Variants in SPNS3 observed in about 807,000 individuals in gnomAD.
The protein encoded by SPNS3 is SPNS lysolipid transporter 3, sphingosine-1-phosphate (putative).
In SPNS3, 51 loss-of-function variants were observed where a neutral mutation model predicts 54.4. That is an observed-to-expected ratio of 0.94 (90% CI 0.75 to 1.18). The LOEUF is 1.18. Among genes scored for constraint, SPNS3 ranks in the 50% most tolerant of loss-of-function variants. The probability of loss-of-function intolerance (pLI) is 0.00; values close to 1 mark genes in which losing one functional copy is unlikely to be tolerated. For synonymous variants in SPNS3, 309 were observed against 294.7 expected, an observed-to-expected ratio of 1.05 and a Z score of -0.50; for missense variants, 669 against 677.4, an observed-to-expected ratio of 0.99 and a Z score of 0.14.
chr17:4,472,902 C>A (rs770596636), intron 8 of SPNS3, among the ~76,000 whole-genome samples: 3 of 148,932 alleles, frequency 2.0e-5, no homozygotes, highest in Admixed American at 6.9e-5. Flanking sequence ...GATCCTCCCC[C>A]TTCAGCCTCT....
intron 11 of SPNS3, among the ~76,000 whole-genome samples, chr17:4,487,336 C>T (rs1054868607): frequency 6.6e-5 from 10 of 152,162 alleles, no homozygotes; most frequent in Non-Finnish European, 2.9e-5. Context: ...AAGGCCCTGC[C>T]ATGGGAATGC....
chr17:4,481,044 T>G (rs1597343974), intron 9 of SPNS3, among the ~76,000 whole-genome samples: 2 of 150,276 alleles, frequency 1.3e-5, no homozygotes, highest in African/African-American at 2.5e-5. Flanking sequence ...TGGAGCAGGG[T>G]GAGGAGGGTG....
In SPNS3 at chr17:4,446,333, C is replaced by T. The variant is rs1970987402; in HGVS notation, c.554+134C>T. On this transcript the variant is annotated intron_variant, in intron 4 of 11. Transcript: ENST00000355530. The stretch of plus-strand genomic sequence containing the variant: ...TTGAGTCCCAATGCTACCCCTCCCT[C>T]ACCATGTGAGTCTACCTCTCCTAGC... 1.0e-5 allele frequency: 10 copies of T among 973,496 alleles called. No homozygotes were observed. In the East Asian group the frequency reaches 2.3e-4, roughly 22 times the overall value. The allele number at this position is 973,496 out of a possible 1,614,324, so 60.3% of individuals were successfully genotyped here.
At chr17:4,458,352 CCTCTCCCTCTCT>C (rs971194266) in intron 8 of SPNS3, among the ~76,000 whole-genome samples, 5 of 145,302 alleles carry the variant, frequency 3.4e-5, no homozygotes, top group Admixed American at 1.4e-4. Context: ...TCTCTCCCTT[CCTCTCCCTCTCT>C]CTCTCCCTCC....
intron 8 of SPNS3, among the ~76,000 whole-genome samples, chr17:4,466,347 C>T (rs1971675483): frequency 6.6e-6 from 1 of 152,040 alleles, no homozygotes. Context: ...TGAGACCAGC[C>T]TGGCCAACAT....
intron 8 of SPNS3, among the ~76,000 whole-genome samples, chr17:4,457,683 C>G (rs1440193989): frequency 1.3e-5 from 2 of 152,176 alleles, no homozygotes; most frequent in African/African-American, 4.8e-5. Flanking sequence ...CCTGCTTCTG[C>G]CACTGTCTTG....
intron 2 of SPNS3, among the ~76,000 whole-genome samples, chr17:4,440,260 G>A (rs75700852): frequency 0.053 from 8,138 of 152,244 alleles, 271 homozygotes; most frequent in Middle Eastern, 0.092. Context: ...GTCATGAGGC[G>A]TTAGCTTTTC....
At chr17:4,462,889 C>T in intron 8 of SPNS3, among the ~76,000 whole-genome samples, 1 of 133,956 alleles carries the variant, frequency 7.5e-6, no homozygotes, top group Admixed American at 7.9e-5. Flanking sequence ...ATCCATCCAT[C>T]CATCCCTTCA....
chr17:4,456,903 T>C (rs1971331509), intron 8 of SPNS3, among the ~76,000 whole-genome samples: 2 of 152,122 alleles, frequency 1.3e-5, no homozygotes, highest in Admixed American at 1.3e-4. Context: ...TTGGTAGAGA[T>C]GGTGTTTCAC....
Position 4,478,554 on chromosome 17 carries a change from G to A in SPNS3, c.1114-18G>A, listed in dbSNP as rs936354066. The A allele has an allele frequency of 1.3e-6, 2 of 1,560,716 alleles. No individual in the cohort carries two copies. Among genetic ancestry groups the A allele is most frequent in the Non-Finnish European group, 1.7e-6 (2 of 1,151,342 alleles). On this transcript the variant is annotated intron_variant, in intron 8 of 11. Transcript: ENST00000355530. The stretch of plus-strand genomic sequence containing the variant: ...CTGGGATCTGGGAATCCTCACCCAG[G>A]CCACCCTCTGTCCACAGGTGTTCCT...
intron 8 of SPNS3, among the ~76,000 whole-genome samples, chr17:4,464,646 T>C (rs994541867): frequency 6.6e-6 from 1 of 152,180 alleles, no homozygotes; most frequent in African/African-American, 2.4e-5. Context: ...TCGGCTTCAT[T>C]AAAGAGATAA....
At position 4,446,955 on chromosome 17, in the gene SPNS3, C is replaced by G. The variant is rs1971011054; in HGVS notation, c.614C>G (p.Ala205Gly). ...ATGCTGACTGGGAACTGGCGCTGGG[C>G]CCTCCGAGTGAGTCCAGCTTCCTTT... ...VTMLTGNWRW[A>G]LRVMPCLEAV... The change falls in exon 5 of 12, where the codon GCC becomes GGC. Residue 205 changes from alanine to glycine, a missense_variant. Physicochemically the swap from Ala to Gly is moderately conservative, Grantham distance 60. Coordinates refer to ENST00000355530, the MANE Select transcript of SPNS3 (RefSeq NM_182538.5). The G allele has an allele frequency of 3.7e-6, 6 of 1,614,094 alleles. No individual in the cohort carries two copies. Among genetic ancestry groups the G allele is most frequent in the Non-Finnish European group, 5.1e-6 (6 of 1,179,972 alleles).
chr17:4,487,958 G>A lies in SPNS3; in HGVS notation c.*64G>A, dbSNP rs544617487. 15 of 1,463,632 alleles carry A rather than the reference G, an allele frequency of 1.0e-5. No individual in the cohort carries two copies. The highest frequency in any genetic ancestry group is 4.5e-5 in the East Asian group (2 of 44,354). The allele number at this position is 1,463,632 out of a possible 1,614,324, so 90.7% of individuals were successfully genotyped here. A position where few individuals can be genotyped will look rare whatever the true frequency, so the allele number is the denominator to read the frequency against. On this transcript the variant is annotated 3_prime_UTR_variant, in exon 12 of 12. Transcript: ENST00000355530. ...TTGGTCCCCACAGCAGCAGTGCCTC[G>A]GTTCCTCTTTGGCTGTCCTCGGGGA...
chr17:4,451,162 A>T (rs1277396896), intron 7 of SPNS3, among the ~76,000 whole-genome samples: 1 of 151,824 alleles, frequency 6.6e-6, no homozygotes, highest in African/African-American at 2.4e-5. Flanking sequence ...TACATCCGGG[A>T]TTTGGGTCAT....
chr17:4,438,493 G>T (rs1441113339), intron 1 of SPNS3, among the ~76,000 whole-genome samples: 2 of 152,196 alleles, frequency 1.3e-5, no homozygotes, highest in Non-Finnish European at 2.9e-5. Flanking sequence ...GTGAGCAGGT[G>T]CTGCAGACCC....
intron 9 of SPNS3, among the ~76,000 whole-genome samples, chr17:4,481,354 C>T (rs1276180094): frequency 6.6e-6 from 1 of 151,904 alleles, no homozygotes; most frequent in East Asian, 1.9e-4. Context: ...GAGGAAGGTC[C>T]CCTTTGCCGG....
At chr17:4,463,338 A>G (rs1971588389) in intron 8 of SPNS3, among the ~76,000 whole-genome samples, 1 of 149,944 alleles carries the variant, frequency 6.7e-6, no homozygotes, top group African/African-American at 2.5e-5. Flanking sequence ...TGGAGGTTGC[A>G]GTGAGCCGAG....
At chr17:4,449,093 G>A (rs956155705) in intron 6 of SPNS3, 142 bp from the exon 7 acceptor site, 2 of 951,642 alleles carry the variant, frequency 2.1e-6, no homozygotes, top group African/African-American at 3.4e-5. Flanking sequence ...TAAAGAGGGG[G>A]TAGCAAATGC....
At chr17:4,452,800 G>C (rs138506219) in intron 7 of SPNS3, among the ~76,000 whole-genome samples, 2 of 152,048 alleles carry the variant, frequency 1.3e-5, no homozygotes, top group Non-Finnish European at 2.9e-5. Flanking sequence ...GGCAGGAAAG[G>C]GGGTAGGGGA....
Sources: allele counts gnomAD v4.1 joint callset (sites outside exome capture counted in the v4.1 genomes callset), GRCh38; gene constraint gnomAD v4.1.1; transcripts MANE v1.5; gene names NCBI Gene and HGNC (gene_info 2026-07-23, HGNC 2026-07-21).